The following POLR3B variants were observed in gnomAD, a reference collection of about 807,000 sequenced individuals.
POLR3B encodes the protein DNA-directed RNA polymerase III subunit RPC2.
A neutral mutation model predicts 147.4 loss-of-function variants in POLR3B; 96 were observed. The observed-to-expected ratio is 0.65, with a 90% confidence interval of 0.55 to 0.77. The LOEUF (loss-of-function observed/expected upper bound fraction) is 0.77, where lower values mean the gene tolerates loss of function less well. Among genes scored for constraint, POLR3B ranks in the 30% least tolerant of loss-of-function variants. The probability of loss-of-function intolerance (pLI) is 0.00; values close to 1 mark genes in which losing one functional copy is unlikely to be tolerated. For missense variants in POLR3B, 1,036 were observed against 1,413.5 expected (o/e 0.73, Z 4.28); for synonymous variants, 461 against 485.9 (o/e 0.95, Z 0.67).
At chr12:106,405,760 C>A in intron 10 of POLR3B, 97 bp from the exon 11 acceptor site, 2 of 1,177,564 alleles carry the variant, frequency 1.7e-6, no homozygotes, top group Non-Finnish European at 2.5e-6. Context: ...TAACCAGGGT[C>A]TTTATCTCTT....
rs985088540 is a variant in POLR3B at position 106,371,758 on chromosome 12, G to A, written c.404+2075G>A. 5.0e-5 allele frequency among the ~76,000 whole-genome samples: 7 copies of A among 141,180 alleles called. No individual in the cohort carries two copies. In the East Asian group the frequency reaches 6.7e-4, roughly 14 times the overall value. 92.6% of individuals were successfully genotyped at this position (141,180 alleles called of 152,430 possible). On this transcript the variant is annotated intron_variant, in intron 6 of 27. Coordinates refer to ENST00000228347, the MANE Select transcript of POLR3B (RefSeq NM_018082.6). ...GAACAATGAGAACACATGGACACAC[G>A]AAGGGGAACATCATACTCTGGGAAC... is the stretch of plus-strand genomic sequence containing the variant.
At chr12:106,454,131 C>T (rs1305162247) in intron 19 of POLR3B, among the ~76,000 whole-genome samples, 6 of 152,096 alleles carry the variant, frequency 3.9e-5, no homozygotes, top group Admixed American at 1.3e-4. Context: ...GAACACTGGG[C>T]GTTGTTCTTA....
chr12:106,468,968 A>G (rs1033796269), intron 23 of POLR3B, among the ~76,000 whole-genome samples: 5 of 152,224 alleles, frequency 3.3e-5, no homozygotes, highest in African/African-American at 1.2e-4. Context: ...CATTTGGTCC[A>G]GAGCTGAGTT....
Position 106,454,703 on chromosome 12 carries a change from T to C in POLR3B, c.2285T>C (p.Leu762Ser). Residue 762 changes from leucine (L) to serine (S), a missense_variant, in exon 20 of 28, where the codon TTA (leucine) becomes TCA (serine). Transcript: ENST00000228347. The stretch of plus-strand genomic sequence containing the variant: ...GCTCTTGTTTTAAACAAGGCCTCTT[T>C]AGACAGAGGTAAGTGAATTTTCAAA... ...EDALVLNKAS[L>S]DRGFGRCLVY... 3.2e-6 allele frequency: 5 copies of C among 1,587,180 alleles called. No homozygotes were observed. The highest frequency in any genetic ancestry group is 4.3e-6 in the Non-Finnish European group (5 of 1,155,640).
At chr12:106,386,997 G>C (rs755747808) in intron 9 of POLR3B, among the ~76,000 whole-genome samples, 1 of 152,110 alleles carries the variant, frequency 6.6e-6, no homozygotes, top group Non-Finnish European at 1.5e-5. Context: ...ACACACAGCT[G>C]ACTTAAATCC....
intron 17 of POLR3B, 49 bp from the exon 18 acceptor site, chr12:106,437,632 T>G (rs1201236490): frequency 9.8e-7 from 1 of 1,024,588 alleles, no homozygotes; most frequent in Non-Finnish European, 1.5e-6. Flanking sequence ...TATAAAATAC[T>G]GCAGAAAAAT....
intron 9 of POLR3B, among the ~76,000 whole-genome samples, chr12:106,389,274 A>G (rs1485515625): frequency 6.6e-6 from 1 of 152,148 alleles, no homozygotes; most frequent in Non-Finnish European, 1.5e-5. Flanking sequence ...TCGCCCCTGT[A>G]TTTAGTGACT....
chr12:106,359,768 C>CT (rs1240807826), intron 1 of POLR3B, among the ~76,000 whole-genome samples: 1 of 152,182 alleles, frequency 6.6e-6, no homozygotes, highest in Non-Finnish European at 1.5e-5. Context: ...TTTTCACCCC[C>CT]ATTTTGCCAG....
chr12:106,412,821 G>A (rs2037246257), intron 12 of POLR3B, among the ~76,000 whole-genome samples: 1 of 152,106 alleles, frequency 6.6e-6, no homozygotes, highest in Non-Finnish European at 1.5e-5. Flanking sequence ...CTGCCTTCTT[G>A]TTTCAGCTCT....
rs1044767775 is a variant in POLR3B, at chr12:106,478,733, T to G, written c.2713+15113T>G. Among the ~76,000 whole-genome samples, 3 of 152,116 alleles carry G rather than the reference T, an allele frequency of 2.0e-5. No individual in the cohort carries two copies. In the East Asian group the frequency reaches 5.8e-4, roughly 29 times the overall value. On this transcript the variant is annotated intron_variant, in intron 23 of 27. Coordinates refer to ENST00000228347, the MANE Select transcript of POLR3B (RefSeq NM_018082.6). Reference sequence around the variant, plus strand: ...ATTTTTATTTCTCTTAAGTATAATTTTATTATTAAATAATAAATGCACATG... The same window carrying G: ...ATTTTTATTTCTCTTAAGTATAATTGTATTATTAAATAATAAATGCACATG...
chr12:106,454,778 G>A (rs147715893), intron 20 of POLR3B, 67 bp downstream of exon 20: 3 of 847,730 alleles, frequency 3.5e-6, no homozygotes, highest in East Asian at 4.9e-5. Flanking sequence ...GATGATTAAT[G>A]TAAAAATCAC....
intron 22 of POLR3B, 108 bp from the exon 23 acceptor site, chr12:106,463,370 A>T: frequency 1.0e-6 from 1 of 965,270 alleles, no homozygotes; most frequent in Non-Finnish European, 1.6e-6. Flanking sequence ...CCCAAGATGA[A>T]AATGTCAGAA....
At chr12:106,472,161 T>G (rs1271990460) in intron 23 of POLR3B, among the ~76,000 whole-genome samples, 1 of 129,684 alleles carries the variant, frequency 7.7e-6, no homozygotes, top group African/African-American at 3.0e-5. Flanking sequence ...TGGTTTCCAA[T>G]TTCATCCATG....
At chr12:106,442,989 G>A (rs1248883842) in intron 18 of POLR3B, among the ~76,000 whole-genome samples, 2 of 152,170 alleles carry the variant, frequency 1.3e-5, no homozygotes, top group Non-Finnish European at 2.9e-5. Context: ...CTTACTTTGT[G>A]TCCAGTACTA....
At chr12:106,403,179 C>T (rs2037095643) in intron 10 of POLR3B, among the ~76,000 whole-genome samples, 2 of 151,968 alleles carry the variant, frequency 1.3e-5, no homozygotes, top group African/African-American at 4.8e-5. Flanking sequence ...CAAAAGAAGA[C>T]ATTTATGCAG....
intron 10 of POLR3B, among the ~76,000 whole-genome samples, chr12:106,398,280 G>A (rs533516501): frequency 6.6e-6 from 1 of 152,176 alleles, no homozygotes; most frequent in African/African-American, 2.4e-5. Flanking sequence ...CAGCGAGGCT[G>A]GGGGAGGGGC....
intron 23 of POLR3B, among the ~76,000 whole-genome samples, chr12:106,479,405 G>C (rs1376922022): frequency 1.6e-5 from 2 of 126,982 alleles, no homozygotes; most frequent in Non-Finnish European, 3.7e-5. Context: ...TTTTGAGACA[G>C]AGTCTTGCTG....
chr12:106,391,663 CA>C (rs995559395), intron 9 of POLR3B, among the ~76,000 whole-genome samples: 1 of 152,100 alleles, frequency 6.6e-6, no homozygotes, highest in Non-Finnish European at 1.5e-5. Context: ...AATGAGAAAA[CA>C]AAGGCGAAGA....
intron 12 of POLR3B, among the ~76,000 whole-genome samples, chr12:106,414,851 TTTG>T (rs2037279552): frequency 6.6e-6 from 1 of 152,212 alleles, no homozygotes; most frequent in African/African-American, 2.4e-5. Context: ...TCATCACATA[TTTG>T]TTGTAGTAAT....
Sources: allele counts gnomAD v4.1 joint callset (sites outside exome capture counted in the v4.1 genomes callset), GRCh38; gene constraint gnomAD v4.1.1; transcripts MANE v1.5; gene names NCBI Gene and HGNC (gene_info 2026-07-23, HGNC 2026-07-21).